MGAT5: variants seen among roughly 807,000 people sequenced by gnomAD.
MGAT5 encodes alpha-1,6-mannosylglycoprotein 6-beta-N-acetylglucosaminyltransferase.
In MGAT5, 30 loss-of-function variants were observed where a neutral mutation model predicts 94.3. The ratio of observed to expected loss-of-function variants is 0.32; its 90% CI spans 0.24 to 0.43. MGAT5 has a LOEUF of 0.43. MGAT5 is among the 20% of genes least tolerant of loss of function. The pLI is 1.00. For missense variants in MGAT5, 691 were observed against 905.5 expected (o/e 0.76, Z 3.04); for synonymous variants, 310 against 322.9 (o/e 0.96, Z 0.43).
chr2:134,309,688 A>T (rs1242580183), intron 2 of MGAT5, among the ~76,000 whole-genome samples: 1 of 152,118 alleles, frequency 6.6e-6, no homozygotes, highest in Non-Finnish European at 1.5e-5. Context: ...TAGTAGCAGC[A>T]CCGTGGGGCT....
intron 6 of MGAT5, among the ~76,000 whole-genome samples, chr2:134,340,065 T>C (rs1022055075): frequency 6.6e-6 from 1 of 152,142 alleles, no homozygotes; most frequent in Non-Finnish European, 1.5e-5. Flanking sequence ...ATGGTAGGAT[T>C]GGTGATGTTA....
intron 10 of MGAT5, among the ~76,000 whole-genome samples, chr2:134,394,154 C>T (rs1682574407): frequency 6.6e-6 from 1 of 152,094 alleles, no homozygotes; most frequent in Admixed American, 6.6e-5. Context: ...GAGACGTGCC[C>T]ATTGGAGCTG....
At chr2:134,431,613 G>T (rs1684880032) in intron 14 of MGAT5, among the ~76,000 whole-genome samples, 2 of 152,330 alleles carry the variant, frequency 1.3e-5, no homozygotes, top group East Asian at 1.9e-4. Context: ...AAGAAAGCCT[G>T]CAGCTCCGAG....
At chr2:134,204,871 A>G (rs1358510949) in intron 1 of MGAT5, among the ~76,000 whole-genome samples, 1 of 152,162 alleles carries the variant, frequency 6.6e-6, no homozygotes, top group African/African-American at 2.4e-5. Context: ...AGGTCTTCCA[A>G]AGTGTTCTGA....
chr2:134,240,443 A>C (rs964031474), intron 1 of MGAT5, among the ~76,000 whole-genome samples: 1 of 151,964 alleles, frequency 6.6e-6, no homozygotes, highest in Non-Finnish European at 1.5e-5. Flanking sequence ...CTTAAGACGG[A>C]AGAGTGAAAG....
intron 9 of MGAT5, among the ~76,000 whole-genome samples, chr2:134,354,066 A>G (rs1334498012): frequency 6.6e-6 from 1 of 152,102 alleles, no homozygotes; most frequent in Non-Finnish European, 1.5e-5. Context: ...CAATGTGGCT[A>G]TTTTAGTGGT....
intron 1 of MGAT5, among the ~76,000 whole-genome samples, chr2:134,190,455 AGT>A (rs1333201066): frequency 2.0e-5 from 3 of 152,110 alleles, no homozygotes; most frequent in Non-Finnish European, 4.4e-5. Flanking sequence ...TGTTCCCGGG[AGT>A]ATTTTCATTT....
chr2:134,191,369 C>T (rs1275005264), intron 1 of MGAT5, among the ~76,000 whole-genome samples: 2 of 152,238 alleles, frequency 1.3e-5, no homozygotes, highest in Admixed American at 1.3e-4. Context: ...CTCAACCCTC[C>T]TGAATAGATG....
At chr2:134,214,030 C>T (rs564520767) in intron 1 of MGAT5, among the ~76,000 whole-genome samples, 78 of 152,256 alleles carry the variant, frequency 5.1e-4, no homozygotes, top group African/African-American at 1.6e-3. Flanking sequence ...AGTCCCATCC[C>T]GAAGCTATTT....
At chr2:134,335,081 T>C (rs1336742809) in intron 4 of MGAT5, among the ~76,000 whole-genome samples, 1 of 152,198 alleles carries the variant, frequency 6.6e-6, no homozygotes, top group African/African-American at 2.4e-5. Context: ...CCAATTACTT[T>C]GGTTATAGTA....
At chr2:134,399,914 G>A (rs960491884) in intron 10 of MGAT5, among the ~76,000 whole-genome samples, 1 of 152,140 alleles carries the variant, frequency 6.6e-6, no homozygotes, top group Admixed American at 6.5e-5. Flanking sequence ...ATGTGTAGGG[G>A]AAAGGCAGAC....
intron 2 of MGAT5, among the ~76,000 whole-genome samples, chr2:134,285,215 A>C (rs1684931649): frequency 6.6e-6 from 1 of 152,192 alleles, no homozygotes; most frequent in Non-Finnish European, 1.5e-5. Context: ...ATAAGGAAAA[A>C]AAAGTCTTGT....
chr2:134,262,994 G>A (rs1315621488), intron 1 of MGAT5, among the ~76,000 whole-genome samples: 1 of 152,194 alleles, frequency 6.6e-6, no homozygotes, highest in Non-Finnish European at 1.5e-5. Context: ...TGGGCTGTAA[G>A]ATAAGCTGGG....
chr2:134,364,003 A>C (rs965563061), intron 10 of MGAT5, among the ~76,000 whole-genome samples: 1 of 152,212 alleles, frequency 6.6e-6, no homozygotes, highest in African/African-American at 2.4e-5. Context: ...TGCTTGAAGA[A>C]GATAGCTTGC....
intron 13 of MGAT5, among the ~76,000 whole-genome samples, chr2:134,426,760 GT>G (rs1407255714): frequency 1.2e-4 from 18 of 151,146 alleles, no homozygotes; most frequent in Non-Finnish European, 2.4e-4. Context: ...CTGTGTCTGG[GT>G]TAGAGAGGGA....
At chr2:134,263,926 A>T (rs1185934344) in intron 1 of MGAT5, among the ~76,000 whole-genome samples, 1 of 150,564 alleles carries the variant, frequency 6.6e-6, no homozygotes, top group African/African-American at 2.5e-5. Flanking sequence ...AAAAAAAAAA[A>T]GTGATACGTA....
chr2:134,161,350 G>A (rs1009524711), intron 1 of MGAT5, among the ~76,000 whole-genome samples: 3 of 152,314 alleles, frequency 2.0e-5, no homozygotes, highest in South Asian at 4.1e-4. Context: ...AGGAAGTGAA[G>A]TCATTTTTCA....
At chr2:134,434,156 A>G (rs990250460) in intron 14 of MGAT5, among the ~76,000 whole-genome samples, 2 of 152,088 alleles carry the variant, frequency 1.3e-5, no homozygotes, top group African/African-American at 2.4e-5. Flanking sequence ...CAGTCCCGCT[A>G]CCTGGCGCTT....
chr2:134,160,358 G>T (rs1388588141), intron 1 of MGAT5, among the ~76,000 whole-genome samples: 1 of 152,158 alleles, frequency 6.6e-6, no homozygotes, highest in African/African-American at 2.4e-5. Flanking sequence ...ATTTTTAATA[G>T]AGACAGGGTT....
Sources: gnomAD v4.1 joint callset for allele counts (sites outside exome capture counted in the v4.1 genomes callset) on GRCh38, gnomAD v4.1.1 for gene constraint, MANE v1.5 for transcripts, NCBI Gene and HGNC (gene_info 2026-07-23, HGNC 2026-07-21) for gene names.